FEZ1: variants seen among roughly 807,000 people sequenced by gnomAD.
FEZ1 encodes the protein fasciculation and elongation protein zeta-1.
FEZ1 carries 20 observed loss-of-function variants against 49.3 expected under a neutral mutation model. That is an observed-to-expected ratio of 0.41 (90% CI 0.29 to 0.59). FEZ1 has a LOEUF of 0.59. FEZ1 is among the 20% of genes least tolerant of loss of function. The probability of loss-of-function intolerance (pLI) is 0.36; values close to 1 mark genes in which losing one functional copy is unlikely to be tolerated. For synonymous variants in FEZ1, 170 were observed against 180.9 expected (o/e 0.94, Z 0.48); for missense variants, 413 against 476.0 (o/e 0.87, Z 1.23).
intron 3 of FEZ1, among the ~76,000 whole-genome samples, chr11:125,465,516 T>C (rs1957119555): frequency 6.6e-6 from 1 of 152,136 alleles, no homozygotes; most frequent in South Asian, 2.1e-4. Flanking sequence ...AGGTCTGAAT[T>C]GTCAGGCTTG....
chr11:125,495,785 GGCACACACACGCGGACAC>G lies in FEZ1; in HGVS notation c.-46+318_-46+335del. The G allele has an allele frequency of 5.8e-6, 2 of 347,010 alleles. No homozygotes were observed. Among genetic ancestry groups the G allele is most frequent in the South Asian group, 4.2e-5 (2 of 48,094 alleles). The allele number at this position is 347,010 out of a possible 1,614,324, so 21.5% of individuals were successfully genotyped here. On this transcript the variant is annotated intron_variant, in intron 1 of 9. Coordinates refer to ENST00000278919, the MANE Select transcript of FEZ1 (RefSeq NM_005103.5). This position sits in a 1 kb window ranked among gnomAD's most constrained non-coding sequence, Gnocchi z 4.2. ...GCCTTCACACGCGCGCACACACGCG[GGCACACACACGCGGACAC>G]ACACACACACACACACACACACACA...
chr11:125,468,082 C>T (rs1457055955), intron 3 of FEZ1, among the ~76,000 whole-genome samples: 1 of 152,124 alleles, frequency 6.6e-6, no homozygotes, highest in African/African-American at 2.4e-5. Flanking sequence ...TGTAAATGTA[C>T]ATTTATTTAT....
At chr11:125,462,056 C>A (rs1957080505) in intron 4 of FEZ1, among the ~76,000 whole-genome samples, 1 of 152,154 alleles carries the variant, frequency 6.6e-6, no homozygotes, top group Non-Finnish European at 1.5e-5. Flanking sequence ...TAGCTATTAG[C>A]CCCTATTTTT....
At chr11:125,475,722 C>A (rs1458746337) in intron 3 of FEZ1, among the ~76,000 whole-genome samples, 1 of 152,068 alleles carries the variant, frequency 6.6e-6, no homozygotes, top group East Asian at 1.9e-4. Flanking sequence ...CACATGTACC[C>A]CTGAACTTAA....
chr11:125,474,785 G>C (rs1957215405), intron 3 of FEZ1, among the ~76,000 whole-genome samples: 1 of 152,112 alleles, frequency 6.6e-6, no homozygotes, highest in Non-Finnish European at 1.5e-5. Context: ...CTACTCAGAA[G>C]GCTAAGGCAG....
intron 3 of FEZ1, among the ~76,000 whole-genome samples, chr11:125,474,191 ATT>A (rs34135138): frequency 0.24 from 30,887 of 128,474 alleles, 3,381 homozygotes; most frequent in South Asian, 0.38. Context: ...TGCCAGGCTA[ATT>A]TTTTTTTTTT....
Position 125,474,618 on chromosome 11 carries a change from G to A in FEZ1, c.411+6916C>T, listed in dbSNP as rs944940846. 3.3e-5 allele frequency among the ~76,000 whole-genome samples: 5 copies of A among 152,148 alleles called. No homozygotes were observed. In the East Asian group the frequency reaches 5.8e-4, roughly 18 times the overall value. Reference sequence around the variant, plus strand: ...ATAAGAAACTCTTATGGCCAAGCACGGTGGCTCATGCCTGTAATCCCAGCA... The same window carrying A: ...ATAAGAAACTCTTATGGCCAAGCACAGTGGCTCATGCCTGTAATCCCAGCA... On this transcript the variant is annotated intron_variant, in intron 3 of 9. Coordinates refer to ENST00000278919, the MANE Select transcript of FEZ1 (RefSeq NM_005103.5).
chr11:125,489,425 G>A lies in FEZ1; in HGVS notation c.311+42C>T. The A allele has an allele frequency of 6.4e-7, 1 of 1,565,248 alleles. No individual in the cohort carries two copies. Among genetic ancestry groups the A allele is most frequent in the African/African-American group, 1.4e-5 (1 of 73,332 alleles). On this transcript the variant is annotated intron_variant, in intron 2 of 9. Coordinates refer to ENST00000278919, the MANE Select transcript of FEZ1 (RefSeq NM_005103.5). This position sits in a 1 kb window ranked among gnomAD's most constrained non-coding sequence, Gnocchi z 4.2. ...TATGTCAAGGAGACAAGGACTACAG[G>A]GCTCTCGACTGAAGCAGGAGAGGGC...
At position 125,463,720 on chromosome 11, in the gene FEZ1, T is replaced by A. The variant is rs576888390; in HGVS notation, c.412-150A>T. 1.0e-5 allele frequency: 6 copies of A among 602,730 alleles called. 1 individual carries two copies. The South Asian group carries it at 1.2e-4, about 12-fold the overall frequency. 37.3% of individuals were successfully genotyped at this position (602,730 alleles called of 1,614,324 possible). A position where few individuals can be genotyped will look rare whatever the true frequency, so the allele number is the denominator to read the frequency against. On this transcript the variant is annotated intron_variant, in intron 3 of 9. Coordinates refer to ENST00000278919, the MANE Select transcript of FEZ1 (RefSeq NM_005103.5). ...AGCTGAAGAGGTGTCCAGAGTTTCA[T>A]CCAATTCCAAACATATCTTTGCCCC...
At chr11:125,462,713 A>C (rs1957088028) in intron 4 of FEZ1, among the ~76,000 whole-genome samples, 1 of 152,192 alleles carries the variant, frequency 6.6e-6, no homozygotes, top group Non-Finnish European at 1.5e-5. Flanking sequence ...AAATACTCTG[A>C]GTTGGACAGT....
At chr11:125,470,962 A>C (rs988938125) in intron 3 of FEZ1, among the ~76,000 whole-genome samples, 6 of 152,308 alleles carry the variant, frequency 3.9e-5, no homozygotes, top group African/African-American at 1.4e-4. Context: ...AGATGGAAGG[A>C]ATAGACTTTA....
At chr11:125,465,516 T>A (rs1957119555) in intron 3 of FEZ1, among the ~76,000 whole-genome samples, 1 of 152,136 alleles carries the variant, frequency 6.6e-6, no homozygotes, top group Non-Finnish European at 1.5e-5. Context: ...AGGTCTGAAT[T>A]GTCAGGCTTG....
In FEZ1 at chr11:125,495,827, CACACACA is replaced by C. The variant is rs1957462819; in HGVS notation, c.-46+287_-46+293del. ...ACACACACACACACACACACACACA[CACACACA>C]CCAGGCCTGGCTGGAGGGCCGATGC... On this transcript the variant is annotated intron_variant, in intron 1 of 9. Transcript: ENST00000278919. The surrounding 1 kb of genome is among the most constrained non-coding windows in gnomAD (Gnocchi z 4.2). The C allele has an allele frequency of 2.8e-5, 9 of 325,008 alleles. No individual in the cohort carries two copies. Among genetic ancestry groups the C allele is most frequent in the Non-Finnish European group, 5.5e-5 (9 of 163,248 alleles). 20.1% of individuals were successfully genotyped at this position (325,008 alleles called of 1,614,324 possible). A position where few individuals can be genotyped will look rare whatever the true frequency, so the allele number is the denominator to read the frequency against.
chr11:125,469,236 A>C (rs1957162077), intron 3 of FEZ1: 1 of 152,350 alleles, frequency 6.6e-6, no homozygotes, highest in Non-Finnish European at 1.5e-5. Context: ...GCAGGAAACA[A>C]GCCCTGACCC....
intron 7 of FEZ1, chr11:125,452,788 A>T (rs1325562982): frequency 2.3e-5 from 4 of 172,856 alleles, no homozygotes; most frequent in Non-Finnish European, 4.9e-5. Context: ...AAAGATATGC[A>T]AGAGAACCTC....
At position 125,458,032 on chromosome 11, in the gene FEZ1, G is replaced by C. The variant is rs559094887; in HGVS notation, c.668-1926C>G. On this transcript the variant is annotated intron_variant, in intron 5 of 9. Transcript: ENST00000278919. ...GCGTCTATCTTTGGGACCTTTGTGTGGCTGGGAAGGGCCTGACAAGGGCAG... is the reference window on the plus strand; with the variant it reads ...GCGTCTATCTTTGGGACCTTTGTGTCGCTGGGAAGGGCCTGACAAGGGCAG... Among the ~76,000 whole-genome samples the C allele has an allele frequency of 3.5e-4, 54 of 152,282 alleles. 2 individuals are homozygous for C. In the South Asian group the frequency reaches 0.011, roughly 30 times the overall value.
rs1055830891 is a variant in FEZ1 at position 125,444,160 on chromosome 11, G to A, written c.*1935C>T. ...TCACTTCCATGCTCCTGTGGCAGCC[G>A]GGGCTCTATCTATGGAGAAGCTCTG... On this transcript the variant is annotated 3_prime_UTR_variant, in exon 10 of 10. Transcript: ENST00000278919. Among the ~76,000 whole-genome samples the A allele has an allele frequency of 3.0e-4, 46 of 152,264 alleles. No individual in the cohort carries two copies. The highest frequency in any genetic ancestry group is 1.1e-3 in the African/African-American group (44 of 41,548).
intron 4 of FEZ1, among the ~76,000 whole-genome samples, 158 bp from the exon 5 acceptor site, chr11:125,460,824 A>G (rs550677911): frequency 2.6e-5 from 4 of 152,116 alleles, no homozygotes; most frequent in African/African-American, 9.7e-5. Flanking sequence ...AATAGTTCCA[A>G]CCAAAGGCTT....
chr11:125,485,967 T>C (rs1158892796), intron 2 of FEZ1, among the ~76,000 whole-genome samples: 1 of 152,040 alleles, frequency 6.6e-6, no homozygotes, highest in Non-Finnish European at 1.5e-5. Flanking sequence ...AAGTAGAAAT[T>C]ATTAGCAGCA....
Sources: gnomAD v4.1 joint callset for allele counts (sites outside exome capture counted in the v4.1 genomes callset) on GRCh38, gnomAD v4.1.1 for gene constraint, Gnocchi (gnomAD v3.1) non-coding constraint, MANE v1.5 for transcripts, NCBI Gene and HGNC (gene_info 2026-07-23, HGNC 2026-07-21) for gene names.